The following ABI2 variants were observed in gnomAD, a reference collection of about 807,000 sequenced individuals.
ABI2 encodes abelson interactor 2.
Under a neutral mutation model 59.2 loss-of-function variants are expected in ABI2, and 25 were observed. That is an observed-to-expected ratio of 0.42 (90% confidence interval 0.31 to 0.59). The LOEUF is 0.59. Among genes scored for constraint, ABI2 ranks in the 20% least tolerant of loss-of-function variants. ABI2 has a pLI of 0.14. For missense variants in ABI2, 545 were observed against 681.8 expected (o/e 0.80, Z 2.23); for synonymous variants, 213 against 235.5 (o/e 0.90, Z 0.87).
At chr2:203,402,123 C>A (rs1299423923) in intron 8 of ABI2, among the ~76,000 whole-genome samples, 2 of 152,162 alleles carry the variant, frequency 1.3e-5, no homozygotes, top group Admixed American at 6.5e-5. Context: ...CAACCTCTGC[C>A]TCCTGAGTTC....
At chr2:203,350,511 G>A (rs950905072) in intron 1 of ABI2, among the ~76,000 whole-genome samples, 1 of 150,572 alleles carries the variant, frequency 6.6e-6, no homozygotes, top group African/African-American at 2.4e-5. Flanking sequence ...TACCACATGT[G>A]GTTACTATTT....
At chr2:203,353,817 T>A (rs1047815306) in intron 1 of ABI2, among the ~76,000 whole-genome samples, 23 of 152,114 alleles carry the variant, frequency 1.5e-4, no homozygotes, top group South Asian at 1.0e-3. Context: ...TTTAAACTCT[T>A]ATCTGTTTCT....
rs372581889 is a variant in ABI2, at chr2:203,344,906, C to T, written c.117+16275C>T. Among the ~76,000 whole-genome samples, 128 of 152,260 alleles carry T rather than the reference C, an allele frequency of 8.4e-4. 5 individuals are homozygous for T. The South Asian group carries it at 0.025, about 30-fold the overall frequency. ...TGCACCAATAAGCACTCTGTAAAAA[C>T]GAACCAATCAGCGCTCTGTAAAATG... is the stretch of plus-strand genomic sequence containing the variant. On this transcript the variant is annotated intron_variant, in intron 1 of 11. Coordinates refer to ENST00000261018, the MANE Select transcript of ABI2 (RefSeq NM_001375670.1).
intron 1 of ABI2, among the ~76,000 whole-genome samples, chr2:203,359,537 G>C (rs1033371949): frequency 6.6e-6 from 1 of 152,164 alleles, no homozygotes; most frequent in South Asian, 2.1e-4. Context: ...ATGTGTCTTA[G>C]TTCATTGGTC....
At chr2:203,347,467 G>A (rs1576274917) in intron 1 of ABI2, among the ~76,000 whole-genome samples, 2 of 152,142 alleles carry the variant, frequency 1.3e-5, no homozygotes, top group Non-Finnish European at 2.9e-5. Context: ...ACGAAGAACC[G>A]TAGCATGTAG....
At chr2:203,355,157 T>G (rs2091230110) in intron 1 of ABI2, 1 of 394,204 alleles carries the variant, frequency 2.5e-6, no homozygotes, top group Non-Finnish European at 5.4e-6. Flanking sequence ...TTTCTAGGCT[T>G]TCCGTTTTGA....
At chr2:203,388,044 T>A (rs138254973) in intron 4 of ABI2, among the ~76,000 whole-genome samples, 28 of 152,316 alleles carry the variant, frequency 1.8e-4, no homozygotes, top group African/African-American at 6.5e-4. Context: ...TAACTTTAAT[T>A]ATAATATAGA....
chr2:203,419,301 G>A (rs959786245), intron 11 of ABI2, among the ~76,000 whole-genome samples: 5 of 151,296 alleles, frequency 3.3e-5, no homozygotes, highest in Non-Finnish European at 7.4e-5. Flanking sequence ...TAGTAGAGAC[G>A]TGGTTTCACG....
intron 9 of ABI2, among the ~76,000 whole-genome samples, chr2:203,406,865 G>C (rs1443425973): frequency 2.0e-5 from 3 of 152,064 alleles, no homozygotes; most frequent in African/African-American, 7.2e-5. Context: ...CTTTCACCGG[G>C]TTGGCCAGGC....
At chr2:203,355,123 C>A (rs1413894473) in intron 1 of ABI2, 2 of 360,632 alleles carry the variant, frequency 5.5e-6, no homozygotes, top group Non-Finnish European at 1.2e-5. Context: ...TGATGTAGAT[C>A]CTATTTTCTG....
chr2:203,386,575 T>C, intron 4 of ABI2: 1 of 314,408 alleles, frequency 3.2e-6, no homozygotes, highest in Non-Finnish European at 4.6e-6. Context: ...TTTTTCTCTA[T>C]GAAACATTCC....
intron 1 of ABI2, among the ~76,000 whole-genome samples, chr2:203,365,532 A>AT (rs985564051): frequency 4.8e-5 from 7 of 145,682 alleles, no homozygotes; most frequent in African/African-American, 1.0e-4. Context: ...AGGTGTTGGT[A>AT]TTTTTTTTAT....
chr2:203,372,736 G>C (rs1171649046), intron 2 of ABI2, among the ~76,000 whole-genome samples: 1 of 149,600 alleles, frequency 6.7e-6, no homozygotes, highest in East Asian at 2.0e-4. Flanking sequence ...GGGCGGAGGG[G>C]CTCCTCACTT....
rs1166074637 is a variant in ABI2, at chr2:203,428,700, CAGTATAAGAAATGCTGAAA to C, written c.*1350_*1368del. On this transcript the variant is annotated 3_prime_UTR_variant, in exon 12 of 12. Transcript: ENST00000261018. ...TAACTTTAATCATCACTACTGTAGTCAGTATAAGAAATGCTGAAAAAAATCCAGGAGGGCTTGTCTCTTT... is the reference window on the plus strand; with the variant it reads ...TAACTTTAATCATCACTACTGTAGTCAAAATCCAGGAGGGCTTGTCTCTTT... 6.6e-6 allele frequency: 1 copy of C among 152,086 alleles called. No homozygotes were observed. The highest frequency in any genetic ancestry group is 2.4e-5 in the African/African-American group (1 of 41,414). 9.4% of individuals were successfully genotyped at this position (152,086 alleles called of 1,614,324 possible).
At chr2:203,370,186 TTCTCTCTCTCTCTCTCTCTC>T (rs71007509) in intron 2 of ABI2, among the ~76,000 whole-genome samples, 22 of 136,686 alleles carry the variant, frequency 1.6e-4, no homozygotes, top group Non-Finnish European at 3.2e-4. Context: ...CATTCTCCTA[TTCTCTCTCTCTCTCTCTCTC>T]TCTCTCTCTC....
At chr2:203,379,695 A>G (rs2153200273) in intron 2 of ABI2, among the ~76,000 whole-genome samples, 1 of 152,312 alleles carries the variant, frequency 6.6e-6, no homozygotes, top group South Asian at 2.1e-4. Context: ...ATGGAGAGGG[A>G]AAAATTAGCA....
intron 1 of ABI2, 63 bp from the exon 2 acceptor site, chr2:203,366,814 G>A (rs981803208): frequency 7.6e-6 from 11 of 1,448,450 alleles, no homozygotes; most frequent in Non-Finnish European, 1.0e-5. Flanking sequence ...TTTTTTGGTA[G>A]GTTAGTTTGC....
chr2:203,395,446 T>TATATATATATATAC (rs2096936612), intron 6 of ABI2, among the ~76,000 whole-genome samples: 1 of 85,348 alleles, frequency 1.2e-5, no homozygotes, highest in Non-Finnish European at 2.7e-5. Context: ...TATATATATA[T>TATATATATATATAC]ATACACACAC....
chr2:203,424,147 T>C (rs1167142920), intron 11 of ABI2, among the ~76,000 whole-genome samples: 1 of 152,230 alleles, frequency 6.6e-6, no homozygotes, highest in Non-Finnish European at 1.5e-5. Context: ...TTTTCCAGAC[T>C]AAATAAAATC....
Sources: allele counts gnomAD v4.1 joint callset (sites outside exome capture counted in the v4.1 genomes callset), GRCh38; gene constraint gnomAD v4.1.1; transcripts MANE v1.5; gene names NCBI Gene and HGNC (gene_info 2026-07-23, HGNC 2026-07-21).